The following CYFIP2 variants were observed in gnomAD, a reference collection of about 807,000 sequenced individuals.
CYFIP2 encodes the protein cytoplasmic FMR1 interacting protein 2, also known as cytoplasmic FMR1-interacting protein 2.
Under a neutral mutation model 158.7 loss-of-function variants are expected in CYFIP2, and 29 were observed. The observed-to-expected ratio is 0.18, with a 90% CI of 0.14 to 0.25. The LOEUF is 0.25. CYFIP2 is among the 10% of genes least tolerant of loss of function. The pLI is 1.00. For synonymous variants in CYFIP2, 585 were observed against 617.6 expected (o/e 0.95, Z 0.78); for missense variants, 852 against 1,639.5 (o/e 0.52, Z 8.29).
At chr5:157,312,392 A>G (rs1200224202) in intron 11 of CYFIP2, among the ~76,000 whole-genome samples, 1 of 151,934 alleles carries the variant, frequency 6.6e-6, no homozygotes, top group East Asian at 1.9e-4. Context: ...AATAAGCGAA[A>G]GGAGAGAAAA....
At chr5:157,275,975 A>G (rs754940383) in intron 1 of CYFIP2, among the ~76,000 whole-genome samples, 82 of 152,212 alleles carry the variant, frequency 5.4e-4, no homozygotes, top group Admixed American at 3.3e-4. Context: ...TAGAGATACT[A>G]CTGATTTTTA....
intron 4 of CYFIP2, 30 bp from the exon 5 acceptor site, chr5:157,296,643 G>C (rs1251788886): frequency 6.3e-7 from 1 of 1,588,308 alleles, no homozygotes; most frequent in Non-Finnish European, 8.6e-7. Context: ...GTGTAAACCA[G>C]GATGTGTGTG....
chr5:157,388,540 A>G (rs1364360278), intron 28 of CYFIP2, among the ~76,000 whole-genome samples: 1 of 152,246 alleles, frequency 6.6e-6, no homozygotes, highest in East Asian at 1.9e-4. Context: ...TCCTTCTAAA[A>G]TATGCTTTAC....
At chr5:157,343,187 A>G (rs1167123095) in intron 23 of CYFIP2, 46 of 1,614,228 alleles carry the variant, frequency 2.8e-5, no homozygotes, top group Non-Finnish European at 3.6e-5. Flanking sequence ...CAGAATGGCC[A>G]TCAGCACCCA....
At chr5:157,329,873 T>C (rs1469206047) in intron 19 of CYFIP2, among the ~76,000 whole-genome samples, 1 of 152,200 alleles carries the variant, frequency 6.6e-6, no homozygotes, top group African/African-American at 2.4e-5. Context: ...GCCTTTTAGT[T>C]ATGTCTAGAA....
intron 21 of CYFIP2, 102 bp downstream of exon 21, chr5:157,333,548 G>A (rs1761637948): frequency 2.7e-6 from 4 of 1,488,070 alleles, no homozygotes; most frequent in South Asian, 2.4e-5. Flanking sequence ...GTTAAAGAGG[G>A]GCAGTGAGTC....
At chr5:157,351,971 C>G (rs1050802219) in intron 23 of CYFIP2, among the ~76,000 whole-genome samples, 3 of 152,190 alleles carry the variant, frequency 2.0e-5, no homozygotes, top group African/African-American at 7.2e-5. Context: ...CTAAGTTCTT[C>G]TGTGCAAGAG....
intron 19 of CYFIP2, among the ~76,000 whole-genome samples, chr5:157,329,476 G>A (rs1279913265): frequency 6.6e-6 from 1 of 152,196 alleles, no homozygotes; most frequent in Non-Finnish European, 1.5e-5. Context: ...GAGAGATTCA[G>A]GGAAAGCCCA....
intron 6 of CYFIP2, 33 bp downstream of exon 6, chr5:157,300,929 A>G (rs1244869415): frequency 7.3e-6 from 11 of 1,499,146 alleles, no homozygotes; most frequent in Non-Finnish European, 9.9e-6. Flanking sequence ...CCCTTTCCCC[A>G]TCCAGGCCCC....
intron 18 of CYFIP2, 41 bp from the exon 19 acceptor site, chr5:157,327,932 T>G: frequency 6.3e-7 from 1 of 1,598,150 alleles, no homozygotes; most frequent in South Asian, 1.1e-5. Flanking sequence ...GTCATAAAGC[T>G]GAACGGGCAC....
intron 26 of CYFIP2, chr5:157,363,340 A>T (rs547989003): frequency 6.6e-6 from 1 of 152,372 alleles, no homozygotes; most frequent in Admixed American, 6.5e-5. Flanking sequence ...GAGCCTCTTC[A>T]TTGCCAGGAG....
At chr5:157,389,124 T>TGGTGGGA in intron 28 of CYFIP2, 65 bp from the exon 29 acceptor site, 1 of 1,464,084 alleles carries the variant, frequency 6.8e-7, no homozygotes, top group African/African-American at 1.4e-5. Context: ...CGGGAATCTG[T>TGGTGGGA]GGTGGGAGGT....
rs1759692546 is a variant in CYFIP2, at chr5:157,311,237, C to G, written c.993-427C>G. 4 of 379,826 alleles carry G rather than the reference C, an allele frequency of 1.1e-5. No homozygotes were observed. The East Asian group carries it at 2.2e-4, about 21-fold the overall frequency. The allele number at this position is 379,826 out of a possible 1,614,324, so 23.5% of individuals were successfully genotyped here. A position where few individuals can be genotyped will look rare whatever the true frequency, so the allele number is the denominator to read the frequency against. On this transcript the variant is annotated intron_variant, in intron 10 of 30. Transcript: ENST00000620254. This position sits in a 1 kb window ranked among gnomAD's most constrained non-coding sequence, Gnocchi z 4.7. Reference sequence around the variant, plus strand: ...ACATTCATATTTCCGCAATCCCAGCCCAAAGGCCCCCCAAAGCCAGCTTCA... The same window carrying G: ...ACATTCATATTTCCGCAATCCCAGCGCAAAGGCCCCCCAAAGCCAGCTTCA...
chr5:157,311,812 C>T lies in CYFIP2; in HGVS notation c.1110+31C>T, dbSNP rs370498979. 29 of 1,559,364 alleles carry T rather than the reference C, an allele frequency of 1.9e-5. No homozygotes were observed. The highest frequency in any genetic ancestry group is 3.5e-5 in the South Asian group (3 of 85,058). On this transcript the variant is annotated intron_variant, in intron 11 of 30. Coordinates refer to ENST00000620254, the MANE Select transcript of CYFIP2 (RefSeq NM_001037333.3). This position sits in a 1 kb window ranked among gnomAD's most constrained non-coding sequence, Gnocchi z 4.7. ...CATGCAGGCTGCTGGGGCACAGGCC[C>T]GTGGGCCCAGGGCCAGAAGGGGTAA...
At chr5:157,349,155 A>G (rs966950333) in intron 23 of CYFIP2, among the ~76,000 whole-genome samples, 3 of 151,804 alleles carry the variant, frequency 2.0e-5, no homozygotes, top group Non-Finnish European at 4.4e-5. Context: ...ATTTTGGGGG[A>G]ACAGGTGGTT....
At chr5:157,294,319 C>T (rs1758074339) in intron 3 of CYFIP2, among the ~76,000 whole-genome samples, 1 of 152,200 alleles carries the variant, frequency 6.6e-6, no homozygotes. Context: ...AGGTTAGAAG[C>T]AAGATGGAGT....
intron 30 of CYFIP2, among the ~76,000 whole-genome samples, chr5:157,391,824 T>C (rs1248789574): frequency 6.0e-5 from 8 of 134,274 alleles, no homozygotes; most frequent in Admixed American, 5.4e-4. Context: ...ATGGTAATTC[T>C]ATGTTTAACT....
intron 26 of CYFIP2, among the ~76,000 whole-genome samples, chr5:157,368,125 A>G (rs960046161): frequency 6.6e-6 from 1 of 152,180 alleles, no homozygotes; most frequent in African/African-American, 2.4e-5. Flanking sequence ...TTTCTCATAT[A>G]AAATTAGTAG....
chr5:157,364,652 A>G (rs1764198473), intron 26 of CYFIP2: 1 of 152,248 alleles, frequency 6.6e-6, no homozygotes, highest in African/African-American at 2.4e-5. Flanking sequence ...GATTAGGCTC[A>G]CTGAAGTCCT....
Sources: allele counts gnomAD v4.1 joint callset (sites outside exome capture counted in the v4.1 genomes callset), GRCh38; gene constraint gnomAD v4.1.1; non-coding constraint Gnocchi (gnomAD v3.1); transcripts MANE v1.5; gene names NCBI Gene and HGNC (gene_info 2026-07-23, HGNC 2026-07-21).